TSPAN7: variants seen among roughly 807,000 people sequenced by gnomAD.
TSPAN7 encodes tetraspanin-7.
In TSPAN7, 1 loss-of-function variant was observed where a neutral mutation model predicts 17.6. That is an observed-to-expected ratio of 0.06 (90% confidence interval 0.02 to 0.27). The LOEUF is 0.27. Ranked by LOEUF, TSPAN7 falls within the 10% of genes least tolerant of loss-of-function variation. TSPAN7 has a pLI of 1.00. For missense variants in TSPAN7, 112 were observed against 201.7 expected (o/e 0.56, Z 2.69); for synonymous variants, 78 against 79.0 (o/e 0.99, Z 0.07).
chrX:38,621,077 A>AGTCTT (rs2069485493), intron 1 of TSPAN7, among the ~76,000 whole-genome samples: 1 of 112,165 alleles, frequency 8.9e-6, no homozygotes, highest in Non-Finnish European at 1.9e-5. Context: ...ACAAAATTAT[A>AGTCTT]GTCTTGTACT....
intron 6 of TSPAN7, among the ~76,000 whole-genome samples, chrX:38,683,741 A>G (rs892284726): frequency 5.3e-5 from 6 of 112,881 alleles, no homozygotes; most frequent in Non-Finnish European, 1.1e-4. Flanking sequence ...ACGTCCATAG[A>G]TCCAGGGCAT....
chrX:38,571,463 G>T (rs933784681), intron 1 of TSPAN7, among the ~76,000 whole-genome samples: 1 of 111,303 alleles, frequency 9.0e-6, no homozygotes, highest in Admixed American at 9.6e-5. Context: ...TAGTAGGCTT[G>T]GTTCACTTGA....
intron 3 of TSPAN7, among the ~76,000 whole-genome samples, chrX:38,673,712 T>A (rs1048820965): frequency 9.1e-5 from 10 of 110,400 alleles, no homozygotes; most frequent in Non-Finnish European, 1.7e-4. Flanking sequence ...CTTTTTTTTT[T>A]AATTTGCCTC....
intron 6 of TSPAN7, among the ~76,000 whole-genome samples, chrX:38,685,058 C>T (rs1286721570): frequency 3.6e-5 from 4 of 111,952 alleles, no homozygotes; most frequent in Admixed American, 1.9e-4. Flanking sequence ...ACCCTCCTGT[C>T]TGGCCTCCTC....
At chrX:38,573,273 G>C (rs1233893187) in intron 1 of TSPAN7, among the ~76,000 whole-genome samples, 1 of 111,490 alleles carries the variant, frequency 9.0e-6, no homozygotes, top group Non-Finnish European at 1.9e-5. Flanking sequence ...CTACCAAAGA[G>C]AGCTGAGTTA....
At chrX:38,562,189 A>G (rs1326542990) in intron 1 of TSPAN7, among the ~76,000 whole-genome samples, 1 of 111,677 alleles carries the variant, frequency 9.0e-6, no homozygotes, top group Non-Finnish European at 1.9e-5. Flanking sequence ...CAAGCGCACG[A>G]TGGGGAGCAG....
At chrX:38,614,113 A>C (rs1033552543) in intron 1 of TSPAN7, among the ~76,000 whole-genome samples, 21 of 110,489 alleles carry the variant, frequency 1.9e-4, no homozygotes, top group Non-Finnish European at 7.6e-5. Flanking sequence ...TTTAAAAAAC[A>C]ATTCCTTTAC....
intron 1 of TSPAN7, among the ~76,000 whole-genome samples, chrX:38,660,693 T>C (rs1265081978): frequency 8.9e-6 from 1 of 112,298 alleles, no homozygotes; most frequent in Non-Finnish European, 1.9e-5. Flanking sequence ...GCAATCTAGC[T>C]AAGACTTCTG....
intron 2 of TSPAN7, 141 bp from the exon 3 acceptor site, chrX:38,671,235 T>A (rs781000596): frequency 1.3e-4 from 77 of 596,683 alleles, no homozygotes; most frequent in Non-Finnish European, 2.1e-4. Flanking sequence ...TAGAGACGAA[T>A]GTTTTATATT....
chrX:38,669,069 A>G (rs1326428406), intron 2 of TSPAN7, among the ~76,000 whole-genome samples: 1 of 111,211 alleles, frequency 9.0e-6, no homozygotes, highest in Admixed American at 9.6e-5. Flanking sequence ...AATGTATTAC[A>G]TATTTAGCAA....
chrX:38,642,404 G>A (rs778133991), intron 1 of TSPAN7, among the ~76,000 whole-genome samples: 9 of 112,323 alleles, frequency 8.0e-5, no homozygotes, highest in Middle Eastern at 4.6e-3. Context: ...GGTTGACTCA[G>A]AAAAAGCTGA....
chrX:38,671,520 A>G lies in TSPAN7; in HGVS notation c.345+70A>G. The G allele has an allele frequency of 3.9e-6, 4 of 1,024,524 alleles. No individual in the cohort carries two copies. The South Asian group carries it at 7.6e-5, about 19-fold the overall frequency. The allele number at this position is 1,024,524 out of a possible 1,213,427, so 84.4% of individuals were successfully genotyped here. ...AGGAGGATTCTTGAAACCTCTTGAA[A>G]TGTGTAAAGGGTGCATATAGGCTAG... On this transcript the variant is annotated intron_variant, in intron 3 of 7. Coordinates refer to ENST00000378482, the MANE Select transcript of TSPAN7 (RefSeq NM_004615.4).
Position 38,688,557 on chromosome X carries a change from C to T in TSPAN7, c.*626C>T, listed in dbSNP as rs1362170408. 1 of 112,727 alleles carries T rather than the reference C, an allele frequency of 8.9e-6. No homozygotes were observed. Among genetic ancestry groups the T allele is most frequent in the Non-Finnish European group, 1.9e-5 (1 of 53,289 alleles). 9.3% of individuals were successfully genotyped at this position (112,727 alleles called of 1,213,427 possible). A position where few individuals can be genotyped will look rare whatever the true frequency, so the allele number is the denominator to read the frequency against. On this transcript the variant is annotated 3_prime_UTR_variant, in exon 8 of 8. Transcript: ENST00000378482. ...AACTGAACTTGAGGTGGCCTCCTTG[C>T]TTGTTACATACCTGGGTATGTGTAG...
At chrX:38,566,460 A>C (rs892809742) in intron 1 of TSPAN7, 1 of 530,026 alleles carries the variant, frequency 1.9e-6, no homozygotes, top group East Asian at 1.1e-4. Context: ...TAATGAATAA[A>C]TGAAATTTTA....
At chrX:38,682,548 A>T (rs1045314225) in intron 6 of TSPAN7, among the ~76,000 whole-genome samples, 7 of 112,472 alleles carry the variant, frequency 6.2e-5, no homozygotes, top group African/African-American at 1.9e-4. Context: ...CAGTTACAAA[A>T]CCTGTGAGAC....
At chrX:38,575,763 T>G (rs768331927) in intron 1 of TSPAN7, among the ~76,000 whole-genome samples, 1 of 112,341 alleles carries the variant, frequency 8.9e-6, no homozygotes, top group Admixed American at 9.4e-5. Flanking sequence ...AAAAATTATG[T>G]GACAAAAGGT....
intron 1 of TSPAN7, among the ~76,000 whole-genome samples, chrX:38,563,732 C>T (rs1602079685): frequency 9.0e-6 from 1 of 111,435 alleles, no homozygotes; most frequent in Admixed American, 9.5e-5. Flanking sequence ...TTAATTTTTT[C>T]TACTTTCAAG....
intron 1 of TSPAN7, among the ~76,000 whole-genome samples, chrX:38,568,303 T>C (rs2069153790): frequency 9.1e-6 from 1 of 109,986 alleles, no homozygotes; most frequent in Admixed American, 9.7e-5. Flanking sequence ...GGTGTTTTTT[T>C]TTTTTTCATT....
intron 1 of TSPAN7, among the ~76,000 whole-genome samples, chrX:38,619,746 A>G (rs1018712438): frequency 1.8e-5 from 2 of 112,124 alleles, no homozygotes; most frequent in African/African-American, 6.5e-5. Context: ...ATAACTTAAG[A>G]ATGAATTTTT....
Sources: gnomAD v4.1 joint callset for allele counts (sites outside exome capture counted in the v4.1 genomes callset) on GRCh38, gnomAD v4.1.1 for gene constraint, MANE v1.5 for transcripts, NCBI Gene and HGNC (gene_info 2026-07-23, HGNC 2026-07-21) for gene names.